Variants in SUMF1 observed in about 807,000 individuals in gnomAD.
SUMF1 encodes sulfatase modifying factor 1.
In SUMF1, 48 loss-of-function variants were observed where a neutral mutation model predicts 47.6. That is an observed-to-expected ratio of 1.01 (90% confidence interval 0.80 to 1.28). The LOEUF (loss-of-function observed/expected upper bound fraction) is 1.28. Among genes scored for constraint, SUMF1 ranks in the 50% most tolerant of loss-of-function variants. The pLI is 0.00. For synonymous variants in SUMF1, 230 were observed against 192.1 expected, an observed-to-expected ratio of 1.20 and a Z score of -1.63; for missense variants, 571 against 485.4, an observed-to-expected ratio of 1.18 and a Z score of -1.66.
At chr3:4,106,270 T>C (rs915596432) in intron 8 of SUMF1, among the ~76,000 whole-genome samples, 6 of 152,098 alleles carry the variant, frequency 3.9e-5, no homozygotes, top group South Asian at 2.1e-4. Context: ...TTAGTAAACA[T>C]TGGCCTAAAG....
chr3:4,124,805 TC>T (rs1169858553), intron 8 of SUMF1, among the ~76,000 whole-genome samples: 9 of 77,152 alleles, frequency 1.2e-4, no homozygotes, highest in East Asian at 8.1e-4. Flanking sequence ...GTATCTAATA[TC>T]AAAAAAAAAA....
rs111981411 is a variant in SUMF1, at chr3:4,124,269, G to A, written c.1015-55524C>T. On this transcript the variant is annotated intron_variant and NMD_transcript_variant, in intron 8 of 12. Transcript: ENST00000448413. ...TTCTACTCTGAAGAAAATGATAAAA[G>A]CATGCAAATGCCCATTCAATTCAAT... Among the ~76,000 whole-genome samples, 43 of 152,238 alleles carry A rather than the reference G, an allele frequency of 2.8e-4. 3 individuals carry two copies. Among genetic ancestry groups the A allele is most frequent in the African/African-American group, 1.0e-3 (42 of 41,540 alleles).
intron 8 of SUMF1, among the ~76,000 whole-genome samples, chr3:4,126,807 T>C (rs1253858993): frequency 1.3e-5 from 2 of 152,186 alleles, no homozygotes; most frequent in Admixed American, 1.3e-4. Flanking sequence ...AGAAATAATT[T>C]TTCAGTCCTG....
intron 8 of SUMF1, among the ~76,000 whole-genome samples, chr3:4,198,499 T>C (rs529471071): frequency 6.6e-6 from 1 of 152,294 alleles, no homozygotes; most frequent in South Asian, 2.1e-4. Flanking sequence ...TGACTGTTCC[T>C]GAAAATTAAA....
intron 8 of SUMF1, among the ~76,000 whole-genome samples, chr3:4,275,900 T>G (rs1181264930): frequency 6.6e-6 from 1 of 152,172 alleles, no homozygotes; most frequent in Non-Finnish European, 1.5e-5. Flanking sequence ...TTGGCCTGTT[T>G]CTGCTCACAT....
At chr3:4,210,215 T>G (rs1011872089) in intron 8 of SUMF1, among the ~76,000 whole-genome samples, 3 of 152,148 alleles carry the variant, frequency 2.0e-5, no homozygotes, top group African/African-American at 4.8e-5. Context: ...AATATTAACA[T>G]GTCAATTCTC....
chr3:4,067,802 T>A (rs1237369274), intron 9 of SUMF1, among the ~76,000 whole-genome samples: 2 of 152,202 alleles, frequency 1.3e-5, no homozygotes, highest in Admixed American at 6.5e-5. Flanking sequence ...AAACTCAACC[T>A]GAAACCAATT....
At chr3:4,186,450 T>C (rs776660532) in intron 8 of SUMF1, among the ~76,000 whole-genome samples, 1 of 152,098 alleles carries the variant, frequency 6.6e-6, no homozygotes, top group Non-Finnish European at 1.5e-5. Context: ...TCTTTAACCC[T>C]ACACAAATTC....
chr3:4,361,713 C>A lies in SUMF1; in HGVS notation c.*431G>T. ...TGAAGTCACAATAGAATCTGATACC[C>A]TTTTTAGAACTGGTGAGTTGGAGAG... On this transcript the variant is annotated 3_prime_UTR_variant, in exon 9 of 9. Transcript: ENST00000272902. The A allele has an allele frequency of 5.0e-6, 1 of 198,530 alleles. No individual in the cohort carries two copies. The highest frequency in any genetic ancestry group is 2.3e-5 in the African/African-American group (1 of 43,360). 12.3% of individuals were successfully genotyped at this position (198,530 alleles called of 1,614,324 possible). A position where few individuals can be genotyped will look rare whatever the true frequency, so the allele number is the denominator to read the frequency against.
intron 8 of SUMF1, among the ~76,000 whole-genome samples, chr3:4,120,206 G>A (rs1294504775): frequency 6.6e-6 from 1 of 152,026 alleles, no homozygotes; most frequent in Non-Finnish European, 1.5e-5. Context: ...CCACTGAACT[G>A]TGAGCTTTCT....
chr3:4,262,882 C>G (rs937215331), intron 8 of SUMF1, among the ~76,000 whole-genome samples: 2 of 152,032 alleles, frequency 1.3e-5, no homozygotes, highest in African/African-American at 4.8e-5. Flanking sequence ...CAAAGTGCTA[C>G]GTAAAGAAGA....
At chr3:4,287,122 T>G (rs2125051204) in intron 8 of SUMF1, among the ~76,000 whole-genome samples, 1 of 152,334 alleles carries the variant, frequency 6.6e-6, no homozygotes. Flanking sequence ...ATGTGTGCTA[T>G]ATGTTCCTGA....
In SUMF1 at chr3:4,410,958, A is replaced by G. The variant is rs762793254; in HGVS notation, c.861T>C (p.Asn287=). Residue 287 remains asparagine, a synonymous_variant, in exon 7 of 9, where the codon AAT becomes AAC. Transcript: ENST00000272902. The stretch of plus-strand genomic sequence containing the variant: ...CCACTATGTTGTATAAGCCATAACC[A>G]TTGGGAGGGAAGGCATCAACCTAAA... ...GTAPVDAFPP[N]GYGLYNIVGN... 6.2e-7 allele frequency: 1 copy of G among 1,614,052 alleles called. No homozygotes were observed.
In SUMF1 at chr3:4,418,095, C is replaced by T; in HGVS notation, c.640G>A (p.Ala214Thr). The change falls in exon 5 of 9, where the codon GCG (alanine) becomes ACG (threonine). Residue 214 changes from alanine to threonine, a missense_variant. Transcript: ENST00000272902. ...CCTGCCCAAGTGCAGTAGGCAACCG[C>T]ATCATTCCAGGACACATGGAGAACT... ...HPVLHVSWND[A>T]VAYCTWAGKR... 1 of 1,614,106 alleles carries T rather than the reference C, an allele frequency of 6.2e-7. No individual in the cohort carries two copies. Among genetic ancestry groups the T allele is most frequent in the Non-Finnish European group, 8.5e-7 (1 of 1,180,018 alleles).
chr3:4,058,892 G>C lies in SUMF1; in HGVS notation c.1191+9677C>G, dbSNP rs564037790. Among the ~76,000 whole-genome samples, 92 of 152,226 alleles carry C rather than the reference G, an allele frequency of 6.0e-4. 1 individual carries two copies. Among genetic ancestry groups the C allele is most frequent in the African/African-American group, 2.1e-3 (88 of 41,552 alleles). Reference sequence around the variant, plus strand: ...ATAGTGCATTTAATTTTCAATTTGTGAGATGTCAATCTGGGAGGCTTTGTT... The same window carrying C: ...ATAGTGCATTTAATTTTCAATTTGTCAGATGTCAATCTGGGAGGCTTTGTT... On this transcript the variant is annotated intron_variant and NMD_transcript_variant, in intron 9 of 12. Coordinates refer to the SUMF1 transcript ENST00000448413.
In SUMF1 at chr3:4,065,150, G is replaced by A. The variant is rs550564529; in HGVS notation, c.1191+3419C>T. Among the ~76,000 whole-genome samples, 8 of 152,254 alleles carry A rather than the reference G, an allele frequency of 5.3e-5. No individual in the cohort carries two copies. The South Asian group carries it at 1.7e-3, about 32-fold the overall frequency. ...CACCATTTCCCTTCCCATCTCAGAAGGTACTGTGCAAAGCCACTGTGCAGA... is the reference window on the plus strand; with the variant it reads ...CACCATTTCCCTTCCCATCTCAGAAAGTACTGTGCAAAGCCACTGTGCAGA... On this transcript the variant is annotated intron_variant and NMD_transcript_variant, in intron 9 of 12. Transcript: ENST00000448413.
At chr3:4,072,067 C>A (rs148613960) in intron 8 of SUMF1, among the ~76,000 whole-genome samples, 3 of 152,186 alleles carry the variant, frequency 2.0e-5, no homozygotes, top group Non-Finnish European at 4.4e-5. Context: ...TGGCAGGTGC[C>A]CCTCTAAGAC....
chr3:4,125,257 C>T (rs1693630446), intron 8 of SUMF1, among the ~76,000 whole-genome samples: 1 of 152,118 alleles, frequency 6.6e-6, no homozygotes, highest in South Asian at 2.1e-4. Flanking sequence ...AGCCACATTT[C>T]AAGTGCTCAA....
In SUMF1 at chr3:4,351,741, G is replaced by A. The variant is rs547797423; in HGVS notation, c.1014+24589C>T. 9.2e-5 allele frequency among the ~76,000 whole-genome samples: 14 copies of A among 152,236 alleles called. No homozygotes were observed. In the South Asian group the frequency reaches 1.7e-3, roughly 18 times the overall value. On this transcript the variant is annotated intron_variant and NMD_transcript_variant, in intron 8 of 12. Transcript: ENST00000448413. ...ACACGTCTTTCAAAAATGTGTAGTC[G>A]TAGCCTCGGCCACTTCATTACCACA... is the stretch of plus-strand genomic sequence containing the variant.
Sources: allele counts gnomAD v4.1 joint callset (sites outside exome capture counted in the v4.1 genomes callset), GRCh38; gene constraint gnomAD v4.1.1; transcripts MANE v1.5; gene names NCBI Gene and HGNC (gene_info 2026-07-23, HGNC 2026-07-21).